Variants in YWHAH observed in about 807,000 individuals in gnomAD.
YWHAH encodes 14-3-3 protein eta.
YWHAH carries 6 observed loss-of-function variants against 22.9 expected under a neutral mutation model. That is an observed-to-expected ratio of 0.26 (90% CI 0.14 to 0.52). The LOEUF is 0.52. YWHAH is among the 20% of genes least tolerant of loss of function. The pLI is 0.97. For missense variants in YWHAH, 173 were observed against 308.6 expected, an observed-to-expected ratio of 0.56 and a Z score of 3.29; for synonymous variants, 135 against 124.5, an observed-to-expected ratio of 1.08 and a Z score of -0.56.
intron 1 of YWHAH, among the ~76,000 whole-genome samples, chr22:31,954,694 G>A (rs1388431736): frequency 6.6e-6 from 1 of 152,112 alleles, no homozygotes; most frequent in Non-Finnish European, 1.5e-5. Flanking sequence ...GGTGTTCCTT[G>A]GCTTGTAGAT....
intron 1 of YWHAH, among the ~76,000 whole-genome samples, chr22:31,950,014 C>G (rs2093840863): frequency 7.8e-6 from 1 of 127,604 alleles, no homozygotes; most frequent in African/African-American, 2.8e-5. Flanking sequence ...TTAGCTACAA[C>G]AGAGAAACAT....
rs757684882 is a variant in YWHAH, at chr22:31,956,378, C to T, written c.327C>T (p.Ile109=). ...TGTCTCTGCTTGACAAGTTCCTGAT[C>T]AAGAACTGCAATGATTTCCAGTATG... ...DVLSLLDKFL[I]KNCNDFQYES... is the part of the protein sequence containing the mutation. The change falls in exon 2 of 2, where the codon ATC becomes ATT. Residue 109 remains isoleucine, a synonymous_variant. Transcript: ENST00000248975. This position sits in a 1 kb window ranked among gnomAD's most constrained non-coding sequence, Gnocchi z 5.1. 2 of 1,614,102 alleles carry T rather than the reference C, an allele frequency of 1.2e-6. No individual in the cohort carries two copies. The highest frequency in any genetic ancestry group is 8.5e-7 in the Non-Finnish European group (1 of 1,180,032).
intron 1 of YWHAH, chr22:31,950,375 C>A: frequency 1.3e-6 from 1 of 779,498 alleles, no homozygotes; most frequent in Non-Finnish European, 2.4e-6. Flanking sequence ...CATTTTGGTG[C>A]TCCTCCCGCC....
chr22:31,946,970 G>T (rs1309171667), intron 1 of YWHAH, among the ~76,000 whole-genome samples: 1 of 152,102 alleles, frequency 6.6e-6, no homozygotes, highest in Non-Finnish European at 1.5e-5. Context: ...CATCTAAATG[G>T]AATATATTGT....
At chr22:31,945,093 A>G in intron 1 of YWHAH, 1 of 1,093,030 alleles carries the variant, frequency 9.1e-7, no homozygotes, top group Non-Finnish European at 1.1e-6. Flanking sequence ...GGGTCGCCAC[A>G]TCTTAGTTCG....
chr22:31,946,020 T>C (rs988034492), intron 1 of YWHAH, among the ~76,000 whole-genome samples: 1 of 152,256 alleles, frequency 6.6e-6, no homozygotes, highest in African/African-American at 2.4e-5. Flanking sequence ...TGAAGGCTTT[T>C]GATGTTAATA....
At chr22:31,949,478 G>A (rs1418831107) in intron 1 of YWHAH, among the ~76,000 whole-genome samples, 2 of 151,892 alleles carry the variant, frequency 1.3e-5, no homozygotes, top group African/African-American at 2.4e-5. Context: ...CTTGGTAAAC[G>A]GTAGCTGTTA....
chr22:31,949,040 C>T (rs1225637773), intron 1 of YWHAH, among the ~76,000 whole-genome samples: 3 of 151,784 alleles, frequency 2.0e-5, no homozygotes, highest in African/African-American at 4.8e-5. Context: ...CAGACTGTAG[C>T]GTCACACTTT....
intron 1 of YWHAH, among the ~76,000 whole-genome samples, chr22:31,950,771 T>C (rs2093842249): frequency 6.6e-6 from 1 of 152,202 alleles, no homozygotes; most frequent in African/African-American, 2.4e-5. Flanking sequence ...GGTGATGTTC[T>C]TGCCCAGTGG....
chr22:31,952,036 C>A (rs2858749), intron 1 of YWHAH, among the ~76,000 whole-genome samples: 1 of 152,114 alleles, frequency 6.6e-6, no homozygotes, highest in African/African-American at 2.4e-5. Flanking sequence ...TGTGGCTACA[C>A]TGAGGGAAGG....
chr22:31,954,971 A>G (rs1018169073), intron 1 of YWHAH, among the ~76,000 whole-genome samples: 1 of 152,218 alleles, frequency 6.6e-6, no homozygotes, highest in African/African-American at 2.4e-5. Context: ...TCTTCCTACT[A>G]ACTGCATAGC....
chr22:31,952,022 C>T (rs2093843922), intron 1 of YWHAH, among the ~76,000 whole-genome samples: 1 of 152,098 alleles, frequency 6.6e-6, no homozygotes, highest in Non-Finnish European at 1.5e-5. Flanking sequence ...GACTCAGTGC[C>T]TAGTGTGGCT....
intron 1 of YWHAH, chr22:31,945,667 T>G: frequency 1.6e-6 from 2 of 1,270,578 alleles, no homozygotes; most frequent in Non-Finnish European, 2.0e-6. Context: ...TCCACGTTAT[T>G]TTACGTTTTC....
chr22:31,951,621 G>A (rs1249582676), intron 1 of YWHAH, among the ~76,000 whole-genome samples: 5 of 152,210 alleles, frequency 3.3e-5, no homozygotes, highest in Non-Finnish European at 7.3e-5. Flanking sequence ...TGAGTAGTGG[G>A]TGGAGGCCCT....
At chr22:31,944,937 G>A in intron 1 of YWHAH, 117 bp downstream of exon 1, 15 of 1,126,632 alleles carry the variant, frequency 1.3e-5, no homozygotes, top group Non-Finnish European at 1.6e-5. Context: ...ACCCGGCTGG[G>A]CGTGGCCGCC....
intron 1 of YWHAH, chr22:31,947,327 A>G (rs1373716385): frequency 2.3e-6 from 1 of 437,810 alleles, no homozygotes; most frequent in African/African-American, 2.0e-5. Context: ...CTGAAGTATA[A>G]AACTAGTGAT....
intron 1 of YWHAH, chr22:31,945,325 C>A: frequency 6.5e-6 from 8 of 1,224,626 alleles, no homozygotes; most frequent in Non-Finnish European, 8.4e-6. Context: ...TCGAATTGTT[C>A]TGGTTCCATC....
intron 1 of YWHAH, among the ~76,000 whole-genome samples, 184 bp from the exon 2 acceptor site, chr22:31,955,955 G>A (rs1403645188): frequency 6.6e-6 from 1 of 152,112 alleles, no homozygotes; most frequent in African/African-American, 2.4e-5. Flanking sequence ...TTAGACTATA[G>A]TCTTTCTTCA....
At chr22:31,950,330 G>T (rs752707444) in intron 1 of YWHAH, 1 of 779,232 alleles carries the variant, frequency 1.3e-6, no homozygotes, top group East Asian at 2.4e-5. Context: ...ATTCCTCCTA[G>T]TGTCCAAGTG....
Sources: gnomAD v4.1 joint callset for allele counts (sites outside exome capture counted in the v4.1 genomes callset) on GRCh38, gnomAD v4.1.1 for gene constraint, Gnocchi (gnomAD v3.1) non-coding constraint, MANE v1.5 for transcripts, NCBI Gene and HGNC (gene_info 2026-07-23, HGNC 2026-07-21) for gene names.